XIRP2: variants seen among roughly 807,000 people sequenced by gnomAD.
XIRP2 encodes the protein xin actin-binding repeat-containing protein 2.
A neutral mutation model predicts 277.0 loss-of-function variants in XIRP2; 236 were observed. The observed-to-expected ratio is 0.85, with a 90% CI of 0.77 to 0.95. XIRP2 has a LOEUF of 0.95. XIRP2 is among the 40% of genes least tolerant of loss of function. The pLI, the probability that XIRP2 is intolerant of heterozygous loss-of-function variation, is 0.00. For missense variants in XIRP2, 4,640 were observed against 4,157.5 expected, an observed-to-expected ratio of 1.12 and a Z score of -3.19; for synonymous variants, 1,490 against 1,416.5, an observed-to-expected ratio of 1.05 and a Z score of -1.17.
intron 5 of XIRP2, among the ~76,000 whole-genome samples, chr2:167,233,047 T>C (rs180774553): frequency 3.0e-4 from 45 of 152,030 alleles, no homozygotes; most frequent in African/African-American, 1.1e-3. Context: ...TAAATGAGGC[T>C]CATTGGAACC....
chr2:167,231,865 C>G (rs1424459825), intron 5 of XIRP2, among the ~76,000 whole-genome samples: 1 of 151,998 alleles, frequency 6.6e-6, no homozygotes, highest in Non-Finnish European at 1.5e-5. Context: ...CCAGTACACA[C>G]TATTGATAGC....
chr2:167,189,044 ATG>A (rs1559013211), intron 3 of XIRP2, among the ~76,000 whole-genome samples: 55 of 152,318 alleles, frequency 3.6e-4, no homozygotes, highest in African/African-American at 1.1e-3. Flanking sequence ...TTCATTGATA[ATG>A]TACTGTTGTT....
At position 166,903,601 on chromosome 2, in the gene XIRP2, A is replaced by C; in HGVS notation, c.119A>C (p.Glu40Ala). 6.2e-7 allele frequency: 1 copy of C among 1,613,682 alleles called. No individual in the cohort carries two copies. The highest frequency in any genetic ancestry group is 1.1e-5 in the South Asian group (1 of 91,080). The change falls in exon 2 of 11, where the codon GAA becomes GCA. Residue 40 changes from glutamate (E) to alanine (A), a missense_variant. Transcript: ENST00000409195. The stretch of plus-strand genomic sequence containing the variant: ...CATTGTACAATTTTCCAGCCTCAGG[A>C]AAGCAAATTGCTTGCGCCTGAAGGA... ...DSHCTIFQPQESKLLAPEGEV... is the reference protein window; with the variant it reads ...DSHCTIFQPQASKLLAPEGEV...
rs141578462 is a variant in XIRP2, at chr2:167,014,298, C to T, written c.408+110408C>T. 7.9e-3 allele frequency among the ~76,000 whole-genome samples: 1,187 copies of T among 151,118 alleles called. 61 individuals are homozygous for T. Among genetic ancestry groups the T allele is most frequent in the Admixed American group, 0.073 (1,105 of 15,116 alleles). ...AAGTCCAGAATAAACAAACAGAAAGCCTAAACTGAGAAGAAGAAGATGTTT... is the reference window on the plus strand; with the variant it reads ...AAGTCCAGAATAAACAAACAGAAAGTCTAAACTGAGAAGAAGAAGATGTTT... On this transcript the variant is annotated intron_variant, in intron 2 of 10. Coordinates refer to ENST00000409195, the MANE Select transcript of XIRP2 (RefSeq NM_152381.6).
At chr2:167,217,989 C>T (rs1330702193) in intron 4 of XIRP2, among the ~76,000 whole-genome samples, 177 bp from the exon 5 acceptor site, 2 of 152,080 alleles carry the variant, frequency 1.3e-5, no homozygotes, top group Admixed American at 1.3e-4. Context: ...GAGAAAACAA[C>T]CCAGAGAGAA....
At chr2:167,144,949 T>C (rs577948864) in intron 3 of XIRP2, among the ~76,000 whole-genome samples, 195 of 152,292 alleles carry the variant, frequency 1.3e-3, no homozygotes, top group Non-Finnish European at 2.3e-3. Flanking sequence ...TGAGTTTAAA[T>C]AACTGCTGCA....
intron 3 of XIRP2, among the ~76,000 whole-genome samples, chr2:167,173,764 C>A (rs773850598): frequency 1.3e-5 from 2 of 152,140 alleles, no homozygotes; most frequent in Non-Finnish European, 2.9e-5. Context: ...TACTAGGGTT[C>A]TCTTTTCTCC....
At chr2:167,086,149 A>G (rs1226838748) in intron 2 of XIRP2, among the ~76,000 whole-genome samples, 1 of 150,202 alleles carries the variant, frequency 6.7e-6, no homozygotes, top group African/African-American at 2.5e-5. Flanking sequence ...TGGTGACAAA[A>G]TCTCTCAGCA....
chr2:167,003,049 G>A (rs1220637490), intron 2 of XIRP2, among the ~76,000 whole-genome samples: 1 of 151,480 alleles, frequency 6.6e-6, no homozygotes, highest in Non-Finnish European at 1.5e-5. Flanking sequence ...AAATACACAG[G>A]TTTGAAGTAG....
chr2:167,145,141 TAATG>T (rs1440976573), intron 3 of XIRP2, among the ~76,000 whole-genome samples: 1 of 152,164 alleles, frequency 6.6e-6, no homozygotes, highest in Non-Finnish European at 1.5e-5. Flanking sequence ...AATGGAAAAA[TAATG>T]AATAACACCA....
chr2:166,983,160 GT>G (rs1686917871), intron 2 of XIRP2, among the ~76,000 whole-genome samples: 3 of 151,946 alleles, frequency 2.0e-5, no homozygotes, highest in Admixed American at 6.6e-5. Context: ...TTTTTAAAAA[GT>G]TTTTTTCATC....
At chr2:167,221,460 CAAAAAA>C (rs57006710) in intron 5 of XIRP2, among the ~76,000 whole-genome samples, 27 of 63,498 alleles carry the variant, frequency 4.3e-4, no homozygotes, top group South Asian at 1.2e-3. Flanking sequence ...AACTCCATCT[CAAAAAA>C]AAAAAAAAAA....
chr2:167,235,192 T>G (rs1207516207), intron 5 of XIRP2, among the ~76,000 whole-genome samples: 1 of 151,852 alleles, frequency 6.6e-6, no homozygotes, highest in African/African-American at 2.4e-5. Context: ...CTTGCTCTGA[T>G]GGTGTCAGCT....
chr2:167,219,137 C>T (rs1017248046), intron 5 of XIRP2, among the ~76,000 whole-genome samples: 9 of 151,696 alleles, frequency 5.9e-5, no homozygotes, highest in South Asian at 2.1e-4. Context: ...GGGGATGAGG[C>T]GGCATATCAG....
intron 3 of XIRP2, among the ~76,000 whole-genome samples, chr2:167,191,879 A>G (rs1693349159): frequency 6.6e-6 from 1 of 152,218 alleles, no homozygotes; most frequent in African/African-American, 2.4e-5. Flanking sequence ...TGCTCCCGGC[A>G]TACGTATCAC....
intron 2 of XIRP2, among the ~76,000 whole-genome samples, chr2:167,094,945 A>G (rs976122815): frequency 3.3e-5 from 5 of 152,162 alleles, no homozygotes; most frequent in African/African-American, 7.2e-5. Context: ...CTTCCTATCC[A>G]TGACTATGGA....
At chr2:166,890,904 G>A (rs1024612100) in intron 1 of XIRP2, among the ~76,000 whole-genome samples, 3 of 152,146 alleles carry the variant, frequency 2.0e-5, no homozygotes, top group Admixed American at 1.3e-4. Context: ...GCTTCAATCA[G>A]CCTTTAACGA....
intron 3 of XIRP2, among the ~76,000 whole-genome samples, chr2:167,168,410 T>C (rs1692585171): frequency 6.6e-6 from 1 of 152,162 alleles, no homozygotes; most frequent in Non-Finnish European, 1.5e-5. Context: ...TGGGATATTC[T>C]GTCCTGGTTT....
intron 2 of XIRP2, among the ~76,000 whole-genome samples, chr2:167,063,153 T>C (rs1466972752): frequency 6.6e-6 from 1 of 151,910 alleles, no homozygotes; most frequent in Non-Finnish European, 1.5e-5. Context: ...CTTCAAAGTA[T>C]TTTCTATTTT....
Sources: allele counts gnomAD v4.1 joint callset (sites outside exome capture counted in the v4.1 genomes callset), GRCh38; gene constraint gnomAD v4.1.1; transcripts MANE v1.5; gene names NCBI Gene and HGNC (gene_info 2026-07-23, HGNC 2026-07-21).